The following RNF130 variants were observed in gnomAD, a reference collection of about 807,000 sequenced individuals.
RNF130 encodes the protein ring finger protein 130, also known as E3 ubiquitin-protein ligase RNF130.
In RNF130, 21 loss-of-function variants were observed where a neutral mutation model predicts 44.6. That is an observed-to-expected ratio of 0.47 (90% confidence interval 0.33 to 0.68). The LOEUF (loss-of-function observed/expected upper bound fraction) is 0.68, where lower values mean the gene tolerates loss of function less well. Among genes scored for constraint, RNF130 ranks in the 30% least tolerant of loss-of-function variants. RNF130 has a pLI of 0.02. For missense variants in RNF130, 479 were observed against 560.6 expected, an observed-to-expected ratio of 0.85 and a Z score of 1.47; for synonymous variants, 214 against 210.4, an observed-to-expected ratio of 1.02 and a Z score of -0.15.
At chr5:180,063,112 G>A (rs998522282) in intron 1 of RNF130, among the ~76,000 whole-genome samples, 1 of 152,304 alleles carries the variant, frequency 6.6e-6, no homozygotes, top group African/African-American at 2.4e-5. Context: ...CCGTTCTAAG[G>A]ATGATGACGA....
intron 3 of RNF130, among the ~76,000 whole-genome samples, chr5:180,007,565 T>A (rs1381433032): frequency 1.3e-5 from 2 of 152,204 alleles, no homozygotes; most frequent in African/African-American, 4.8e-5. Flanking sequence ...CTAAGCTTTT[T>A]AAGCCACATA....
intron 3 of RNF130, among the ~76,000 whole-genome samples, chr5:179,998,293 A>G (rs879561624): frequency 1.3e-5 from 2 of 152,166 alleles, no homozygotes; most frequent in Admixed American, 1.3e-4. Flanking sequence ...CATTTTACTG[A>G]AGAAATTTTA....
chr5:180,023,563 C>G (rs562246735), intron 2 of RNF130, among the ~76,000 whole-genome samples: 2 of 152,280 alleles, frequency 1.3e-5, no homozygotes, highest in East Asian at 3.9e-4. Context: ...AAAAATCCAA[C>G]ACCCACAACA....
chr5:179,956,879 G>A (rs1182055892), intron 8 of RNF130, among the ~76,000 whole-genome samples: 1 of 152,220 alleles, frequency 6.6e-6, no homozygotes, highest in African/African-American at 2.4e-5. Flanking sequence ...GCACAAGCCC[G>A]GGAGCCTACT....
chr5:180,027,998 C>T (rs2113117081), intron 2 of RNF130, among the ~76,000 whole-genome samples: 1 of 152,334 alleles, frequency 6.6e-6, no homozygotes, highest in East Asian at 1.9e-4. Flanking sequence ...AGCGACAGTC[C>T]CTGCTTTAGG....
At chr5:179,983,333 C>CTTTT (rs35802224) in intron 3 of RNF130, among the ~76,000 whole-genome samples, 2 of 108,398 alleles carry the variant, frequency 1.8e-5, no homozygotes, top group Non-Finnish European at 3.8e-5. Context: ...TACAGATGAA[C>CTTTT]TTTTTTTTTT....
chr5:179,973,700 TCAGA>T (rs1762640744), intron 5 of RNF130, among the ~76,000 whole-genome samples: 1 of 152,066 alleles, frequency 6.6e-6, no homozygotes, highest in Non-Finnish European at 1.5e-5. Context: ...CCAGGAGGCC[TCAGA>T]AAGAGGCACC....
chr5:179,972,441 C>T (rs1261053036), intron 5 of RNF130, among the ~76,000 whole-genome samples: 6 of 152,128 alleles, frequency 3.9e-5, no homozygotes, highest in African/African-American at 1.4e-4. Flanking sequence ...TGGGACTTGG[C>T]TGACTGACAG....
intron 1 of RNF130, among the ~76,000 whole-genome samples, chr5:180,058,605 G>C (rs899214164): frequency 2.6e-5 from 4 of 152,162 alleles, no homozygotes; most frequent in African/African-American, 7.2e-5. Context: ...GCCCAAGCTG[G>C]AGTGTAGTAG....
At chr5:180,039,979 T>C (rs970555645) in intron 2 of RNF130, among the ~76,000 whole-genome samples, 1 of 152,238 alleles carries the variant, frequency 6.6e-6, no homozygotes, top group East Asian at 1.9e-4. Flanking sequence ...ACTGCAACTA[T>C]TGTTATTAAA....
intron 3 of RNF130, among the ~76,000 whole-genome samples, chr5:180,000,397 T>C (rs1561686983): frequency 6.6e-6 from 1 of 152,178 alleles, no homozygotes. Context: ...TTTACTCTTA[T>C]TTAGGAACCA....
chr5:180,071,257 A>G (rs1300699505), intron 1 of RNF130, among the ~76,000 whole-genome samples, 199 bp downstream of exon 1: 1 of 152,264 alleles, frequency 6.6e-6, no homozygotes, highest in Admixed American at 6.5e-5. Flanking sequence ...AAAAGAAGGG[A>G]AAAACCCAGT....
chr5:179,994,791 G>A (rs1465301674), intron 3 of RNF130, among the ~76,000 whole-genome samples: 3 of 152,220 alleles, frequency 2.0e-5, no homozygotes, highest in South Asian at 2.1e-4. Flanking sequence ...AATGGGCTGT[G>A]TGGGTCAACC....
intron 2 of RNF130, among the ~76,000 whole-genome samples, chr5:180,019,434 G>A (rs1251048453): frequency 6.6e-6 from 1 of 151,968 alleles, no homozygotes; most frequent in Non-Finnish European, 1.5e-5. Context: ...TGCTGCTGAG[G>A]CAACAGCTAG....
chr5:180,009,674 C>T (rs1339947266), intron 3 of RNF130, among the ~76,000 whole-genome samples: 1 of 152,214 alleles, frequency 6.6e-6, no homozygotes, highest in African/African-American at 2.4e-5. Context: ...CAGTTTCCTA[C>T]AGAACTAAAT....
At chr5:179,943,514 C>G (rs468507) in intron 7 of RNF130, among the ~76,000 whole-genome samples, 15,334 of 152,080 alleles carry the variant, frequency 0.1, 913 homozygotes, top group Middle Eastern at 0.19. Flanking sequence ...TTCAGAAAAA[C>G]AATTTAAAAC....
At chr5:179,925,309 G>A (rs1428133377) in intron 7 of RNF130, among the ~76,000 whole-genome samples, 2 of 152,104 alleles carry the variant, frequency 1.3e-5, no homozygotes, top group East Asian at 3.9e-4. Context: ...TCATGCCCAC[G>A]TAATGAAGCC....
chr5:180,067,759 C>A (rs996147175), intron 1 of RNF130, among the ~76,000 whole-genome samples: 2 of 152,170 alleles, frequency 1.3e-5, no homozygotes, highest in Non-Finnish European at 2.9e-5. Context: ...TATCCTTTTT[C>A]TCTGAATATT....
chr5:180,017,699 A>T (rs952186448), intron 2 of RNF130, among the ~76,000 whole-genome samples: 4 of 152,172 alleles, frequency 2.6e-5, no homozygotes, highest in Admixed American at 6.5e-5. Context: ...TCTATTTTTT[A>T]ATGAGGAAAA....
Sources: gnomAD v4.1 joint callset for allele counts (sites outside exome capture counted in the v4.1 genomes callset) on GRCh38, gnomAD v4.1.1 for gene constraint, MANE v1.5 for transcripts, NCBI Gene and HGNC (gene_info 2026-07-23, HGNC 2026-07-21) for gene names.